RNF180: variants seen among roughly 807,000 people sequenced by gnomAD.
The protein encoded by RNF180 is E3 ubiquitin-protein ligase RNF180.
Under a neutral mutation model 59.2 loss-of-function variants are expected in RNF180, and 38 were observed. The observed-to-expected ratio is 0.64, with a 90% CI of 0.50 to 0.84. The LOEUF (loss-of-function observed/expected upper bound fraction) is 0.84, where lower values mean the gene tolerates loss of function less well. RNF180 is among the 40% of genes least tolerant of loss of function. The probability of loss-of-function intolerance (pLI) is 0.00; values close to 1 mark genes in which losing one functional copy is unlikely to be tolerated. For synonymous variants in RNF180, 262 were observed against 240.3 expected (o/e 1.09, Z -0.84); for missense variants, 705 against 700.9 (o/e 1.01, Z -0.07).
At chr5:64,245,473 C>T (rs1356836712) in intron 5 of RNF180, among the ~76,000 whole-genome samples, 1 of 152,120 alleles carries the variant, frequency 6.6e-6, no homozygotes, top group Admixed American at 6.5e-5. Context: ...CAATCCTAGT[C>T]TCTGATAAAA....
At chr5:64,203,714 T>A (rs560634491) in intron 2 of RNF180, among the ~76,000 whole-genome samples, 23 of 152,204 alleles carry the variant, frequency 1.5e-4, no homozygotes, top group African/African-American at 5.3e-4. Flanking sequence ...ATATCATGGT[T>A]AAGTCTTAGC....
chr5:64,276,065 C>G (rs1343654214), intron 5 of RNF180, among the ~76,000 whole-genome samples: 1 of 152,016 alleles, frequency 6.6e-6, no homozygotes, highest in East Asian at 1.9e-4. Flanking sequence ...CTTGCCCCAA[C>G]CCCATAGAAT....
At chr5:64,316,089 T>C (rs1744030124) in intron 5 of RNF180, among the ~76,000 whole-genome samples, 1 of 152,150 alleles carries the variant, frequency 6.6e-6, no homozygotes, top group South Asian at 2.1e-4. Context: ...GTTGTTTTTA[T>C]TTTGTTTTTT....
Position 64,248,757 on chromosome 5 carries a change from T to C in RNF180, c.1227+31361T>C, listed in dbSNP as rs950593083. Among the ~76,000 whole-genome samples the C allele has an allele frequency of 2.6e-5, 4 of 152,210 alleles. No individual in the cohort carries two copies. The South Asian group carries it at 6.2e-4, about 24-fold the overall frequency. On this transcript the variant is annotated intron_variant, in intron 5 of 7. Transcript: ENST00000389100. ...TTGACCCAGCAGTCTCATTGCTGTG[T>C]ATATACTCAAAAGATTATAAATCAT... is the stretch of plus-strand genomic sequence containing the variant.
chr5:64,296,505 ACT>A (rs911055930), intron 5 of RNF180, among the ~76,000 whole-genome samples: 1 of 151,940 alleles, frequency 6.6e-6, no homozygotes, highest in African/African-American at 2.4e-5. Flanking sequence ...AAGCATGTGG[ACT>A]CTCTGAAGTT....
At chr5:64,362,316 C>CT (rs1385798274) in intron 7 of RNF180, among the ~76,000 whole-genome samples, 5 of 151,742 alleles carry the variant, frequency 3.3e-5, no homozygotes, top group African/African-American at 1.2e-4. Context: ...TTAGCTCTCA[C>CT]TTATAAGTGA....
At chr5:64,179,777 T>C (rs560244776) in intron 1 of RNF180, among the ~76,000 whole-genome samples, 1 of 152,326 alleles carries the variant, frequency 6.6e-6, no homozygotes, top group Admixed American at 6.5e-5. Flanking sequence ...TGCACATCCA[T>C]GGATAGACAT....
intron 5 of RNF180, among the ~76,000 whole-genome samples, chr5:64,254,058 G>T (rs549863969): frequency 1.3e-5 from 2 of 152,164 alleles, no homozygotes; most frequent in Admixed American, 6.5e-5. Flanking sequence ...TCCTGAGCTT[G>T]CAAACTAGGC....
At chr5:64,213,537 A>G (rs199920917) in intron 3 of RNF180, 21 bp from the exon 4 acceptor site, 44 of 1,581,054 alleles carry the variant, frequency 2.8e-5, no homozygotes, top group Admixed American at 2.6e-4. Context: ...CACTGTCTTT[A>G]TTCTTCTTTA....
chr5:64,289,345 A>G (rs947785134), intron 5 of RNF180, among the ~76,000 whole-genome samples: 1 of 152,078 alleles, frequency 6.6e-6, no homozygotes, highest in Non-Finnish European at 1.5e-5. Flanking sequence ...TATTGGCCTG[A>G]AGTTTCCTGT....
chr5:64,284,392 A>G (rs910225858), intron 5 of RNF180, among the ~76,000 whole-genome samples: 4 of 152,166 alleles, frequency 2.6e-5, no homozygotes, highest in Non-Finnish European at 5.9e-5. Flanking sequence ...GTGAATATGA[A>G]TGTTGACCTC....
chr5:64,290,541 T>C (rs1742524541), intron 5 of RNF180, among the ~76,000 whole-genome samples: 1 of 152,258 alleles, frequency 6.6e-6, no homozygotes, highest in South Asian at 2.1e-4. Context: ...AAGAACTTGC[T>C]TTATAAATCT....
Position 64,257,957 on chromosome 5 carries a change from C to G in RNF180, c.1227+40561C>G, listed in dbSNP as rs1744083553. 3.9e-5 allele frequency among the ~76,000 whole-genome samples: 6 copies of G among 152,138 alleles called. No individual in the cohort carries two copies. The South Asian group carries it at 1.2e-3, about 32-fold the overall frequency. On this transcript the variant is annotated intron_variant, in intron 5 of 7. Transcript: ENST00000389100. ...ACATAGTGCTTGCTGCCTAGGAAAG[C>G]TGAGAAGGAGATAAAGGAAGTGATG... is the stretch of plus-strand genomic sequence containing the variant.
At chr5:64,244,401 G>A (rs1020787124) in intron 5 of RNF180, among the ~76,000 whole-genome samples, 6 of 143,590 alleles carry the variant, frequency 4.2e-5, no homozygotes, top group African/African-American at 1.6e-4. Context: ...TAAATGACCT[G>A]ATGGAGCTGA....
At chr5:64,247,966 C>A (rs1743295390) in intron 5 of RNF180, among the ~76,000 whole-genome samples, 1 of 152,098 alleles carries the variant, frequency 6.6e-6, no homozygotes, top group South Asian at 2.1e-4. Flanking sequence ...ACATCTAAAA[C>A]CATCTGATCT....
rs564128746 is a variant in RNF180, at chr5:64,344,155, T to G, written c.1579+13749T>G. ...ATTAAAAATTCATACTAAAATAGAT[T>G]GGCAGATGGGTTAAGAAAAACAAGA... On this transcript the variant is annotated intron_variant, in intron 7 of 7. Transcript: ENST00000389100. Among the ~76,000 whole-genome samples the G allele has an allele frequency of 2.9e-4, 44 of 152,154 alleles. No homozygotes were observed. The South Asian group carries it at 6.0e-3, about 21-fold the overall frequency.
chr5:64,310,528 A>C (rs1164262648), intron 5 of RNF180, among the ~76,000 whole-genome samples: 1 of 151,854 alleles, frequency 6.6e-6, no homozygotes, highest in African/African-American at 2.4e-5. Flanking sequence ...AAAAAAAAAA[A>C]AAGAAACCCT....
At chr5:64,306,348 CTG>C (rs995420300) in intron 5 of RNF180, among the ~76,000 whole-genome samples, 20 of 151,472 alleles carry the variant, frequency 1.3e-4, no homozygotes, top group African/African-American at 4.8e-4. Flanking sequence ...ATGTAAAAAA[CTG>C]TGGAAGCTTT....
rs775597815 is a variant in RNF180 at position 64,213,786 on chromosome 5, A to G, written c.460A>G (p.Thr154Ala). The change falls in exon 4 of 8, where the codon ACA becomes GCA. Residue 154 changes from threonine to alanine, a missense_variant. Transcript: ENST00000389100. ...QSGCDKEALLTGGGSENRNHR... is the reference protein window; with the variant it reads ...QSGCDKEALLAGGGSENRNHR... ...AGGTTGTGACAAGGAAGCTCTGCTG[A>G]CAGGTGGTGGCTCTGAAAACAGAAA... The G allele has an allele frequency of 2.7e-5, 43 of 1,614,068 alleles. No individual in the cohort carries two copies. Among genetic ancestry groups the G allele is most frequent in the Admixed American group, 1.8e-4 (11 of 59,994 alleles).
Sources: allele counts gnomAD v4.1 joint callset (sites outside exome capture counted in the v4.1 genomes callset), GRCh38; gene constraint gnomAD v4.1.1; transcripts MANE v1.5; gene names NCBI Gene and HGNC (gene_info 2026-07-23, HGNC 2026-07-21).